Variants in NDST4 observed in about 807,000 individuals in gnomAD.
NDST4 encodes N-deacetylase and N-sulfotransferase 4.
Under a neutral mutation model 100.8 loss-of-function variants are expected in NDST4, and 63 were observed. The ratio of observed to expected loss-of-function variants is 0.62; its 90% CI spans 0.51 to 0.77. NDST4 has a LOEUF of 0.77. Among genes scored for constraint, NDST4 ranks in the 30% least tolerant of loss-of-function variants. The pLI is 0.00. For synonymous variants in NDST4, 377 were observed against 361.8 expected (o/e 1.04, Z -0.48); for missense variants, 943 against 1,018.4 (o/e 0.93, Z 1.01).
At chr4:115,061,110 C>T (rs527901893) in intron 2 of NDST4, among the ~76,000 whole-genome samples, 2 of 151,968 alleles carry the variant, frequency 1.3e-5, no homozygotes, top group South Asian at 4.2e-4. Flanking sequence ...AAATCAAAAC[C>T]ACAATGAGAT....
chr4:115,074,140 T>C (rs1729132999), intron 2 of NDST4, among the ~76,000 whole-genome samples: 1 of 151,932 alleles, frequency 6.6e-6, no homozygotes, highest in African/African-American at 2.4e-5. Context: ...TCTGATTCTC[T>C]CTCCATGTGT....
chr4:115,101,500 T>C (rs919880816), intron 1 of NDST4, among the ~76,000 whole-genome samples: 1 of 151,964 alleles, frequency 6.6e-6, no homozygotes. Context: ...GAAATAACAC[T>C]AAATAAATGG....
At chr4:114,916,119 G>T (rs945848277) in intron 6 of NDST4, among the ~76,000 whole-genome samples, 4 of 152,138 alleles carry the variant, frequency 2.6e-5, no homozygotes, top group Non-Finnish European at 5.9e-5. Context: ...TAAGATGACA[G>T]TTTTTTGAAA....
chr4:114,937,590 A>T, intron 4 of NDST4, 87 bp from the exon 5 acceptor site: 1 of 1,047,662 alleles, frequency 9.5e-7, no homozygotes, highest in Non-Finnish European at 1.4e-6. Context: ...TTTAGAATAC[A>T]TTGAACTCTA....
At chr4:115,028,600 A>T (rs2126268736) in intron 2 of NDST4, among the ~76,000 whole-genome samples, 1 of 152,132 alleles carries the variant, frequency 6.6e-6, no homozygotes, top group East Asian at 1.9e-4. Flanking sequence ...TCAAAGAAAG[A>T]GAGGAGCTAC....
chr4:114,905,134 CTTT>C (rs570520427), intron 6 of NDST4, among the ~76,000 whole-genome samples: 2 of 142,166 alleles, frequency 1.4e-5, no homozygotes, highest in Non-Finnish European at 1.6e-5. Context: ...AAAATTCTTC[CTTT>C]TTTTTTTTTT....
chr4:115,096,627 T>C (rs1189009233), intron 1 of NDST4, among the ~76,000 whole-genome samples: 1 of 152,074 alleles, frequency 6.6e-6, no homozygotes, highest in African/African-American at 2.4e-5. Context: ...TTCTAATGCA[T>C]TATCACTTAC....
intron 2 of NDST4, among the ~76,000 whole-genome samples, chr4:115,057,451 G>C (rs1387560790): frequency 6.6e-6 from 1 of 151,898 alleles, no homozygotes; most frequent in African/African-American, 2.4e-5. Context: ...GGAGGAGAGA[G>C]AGAAGAAAGA....
At chr4:115,012,463 T>A (rs1178338837) in intron 2 of NDST4, among the ~76,000 whole-genome samples, 1 of 152,014 alleles carries the variant, frequency 6.6e-6, no homozygotes, top group East Asian at 1.9e-4. Context: ...ATGGCTTAAG[T>A]GACCTCACTT....
intron 11 of NDST4, among the ~76,000 whole-genome samples, chr4:114,836,942 C>T (rs1251724959): frequency 1.3e-5 from 2 of 152,066 alleles, no homozygotes; most frequent in Admixed American, 1.3e-4. Flanking sequence ...TCACAAAGTT[C>T]TCATGCTGTG....
intron 7 of NDST4, among the ~76,000 whole-genome samples, chr4:114,869,356 AT>A (rs1186463593): frequency 1.3e-5 from 2 of 151,912 alleles, no homozygotes; most frequent in African/African-American, 4.8e-5. Context: ...AATTTGTCTG[AT>A]TTTTATTATT....
intron 7 of NDST4, among the ~76,000 whole-genome samples, chr4:114,867,571 C>T (rs1316225244): frequency 7.1e-6 from 1 of 140,672 alleles, no homozygotes; most frequent in African/African-American, 2.7e-5. Flanking sequence ...TTAAAAGCAT[C>T]GATTAGCTCA....
At chr4:114,912,093 C>G (rs1388729268) in intron 6 of NDST4, among the ~76,000 whole-genome samples, 2 of 152,024 alleles carry the variant, frequency 1.3e-5, no homozygotes, top group Non-Finnish European at 1.5e-5. Flanking sequence ...TGTGAAAATT[C>G]CTGTTTCATA....
At chr4:115,090,360 A>G (rs538757917) in intron 1 of NDST4, among the ~76,000 whole-genome samples, 2 of 151,934 alleles carry the variant, frequency 1.3e-5, no homozygotes, top group Non-Finnish European at 2.9e-5. Context: ...CAAAATAATG[A>G]TAGAAGATAA....
At chr4:115,010,241 G>A (rs1578450526) in intron 2 of NDST4, among the ~76,000 whole-genome samples, 1 of 124,762 alleles carries the variant, frequency 8.0e-6, no homozygotes, top group South Asian at 3.1e-4. Flanking sequence ...GCACACGTAT[G>A]TTTATTGCGG....
intron 2 of NDST4, among the ~76,000 whole-genome samples, chr4:115,072,495 G>C (rs1729098118): frequency 1.3e-5 from 2 of 151,884 alleles, no homozygotes; most frequent in Non-Finnish European, 2.9e-5. Context: ...CAGACACACA[G>C]ACCAATGGAA....
At chr4:114,865,552 A>G (rs907631680) in intron 7 of NDST4, among the ~76,000 whole-genome samples, 2 of 152,204 alleles carry the variant, frequency 1.3e-5, no homozygotes, top group Admixed American at 6.5e-5. Flanking sequence ...AACTTATCAA[A>G]TGTTTCTGTA....
In NDST4 at chr4:114,896,672, G is replaced by A. The variant is rs1724721466; in HGVS notation, c.1537-25722C>T. Among the ~76,000 whole-genome samples, 6 of 150,706 alleles carry A rather than the reference G, an allele frequency of 4.0e-5. 1 individual carries two copies. The South Asian group carries it at 1.3e-3, about 32-fold the overall frequency. ...TTGGGTAAAATACTGCATTTTAGAAGAACACATATTATTCTAGAAATCAAC... is the reference window on the plus strand; with the variant it reads ...TTGGGTAAAATACTGCATTTTAGAAAAACACATATTATTCTAGAAATCAAC... On this transcript the variant is annotated intron_variant, in intron 6 of 13. Coordinates refer to ENST00000264363, the MANE Select transcript of NDST4 (RefSeq NM_022569.3).
intron 4 of NDST4, among the ~76,000 whole-genome samples, chr4:114,953,507 T>C (rs1726067874): frequency 6.6e-6 from 1 of 152,108 alleles, no homozygotes; most frequent in Non-Finnish European, 1.5e-5. Flanking sequence ...CAAATAGTCC[T>C]TATAATATCA....
Sources: gnomAD v4.1 joint callset for allele counts (sites outside exome capture counted in the v4.1 genomes callset) on GRCh38, gnomAD v4.1.1 for gene constraint, MANE v1.5 for transcripts, NCBI Gene and HGNC (gene_info 2026-07-23, HGNC 2026-07-21) for gene names.